PTPN1: variants seen among roughly 807,000 people sequenced by gnomAD.
PTPN1 encodes protein tyrosine phosphatase non-receptor type 1.
PTPN1 carries 12 observed loss-of-function variants against 59.9 expected under a neutral mutation model. The observed-to-expected ratio is 0.20, with a 90% CI of 0.13 to 0.32. The LOEUF is 0.32. PTPN1 is among the 10% of genes least tolerant of loss of function. PTPN1 has a pLI of 1.00. For missense variants in PTPN1, 356 were observed against 549.2 expected, an observed-to-expected ratio of 0.65 and a Z score of 3.52; for synonymous variants, 178 against 203.6, an observed-to-expected ratio of 0.87 and a Z score of 1.07.
chr20:50,552,463 C>A (rs2082706320), intron 1 of PTPN1, among the ~76,000 whole-genome samples: 1 of 152,172 alleles, frequency 6.6e-6, no homozygotes, highest in South Asian at 2.1e-4. Context: ...TGACTGTATC[C>A]TTCCTTACAC....
At chr20:50,532,157 A>G (rs1205597357) in intron 1 of PTPN1, among the ~76,000 whole-genome samples, 1 of 152,200 alleles carries the variant, frequency 6.6e-6, no homozygotes, top group Non-Finnish European at 1.5e-5. Flanking sequence ...AAAACTAACT[A>G]CAATGGCCTG....
chr20:50,565,554 G>A (rs563725747), intron 3 of PTPN1, among the ~76,000 whole-genome samples: 3 of 152,308 alleles, frequency 2.0e-5, no homozygotes, highest in African/African-American at 4.8e-5. Context: ...CATGAAAAAT[G>A]ACTTAAAATT....
chr20:50,574,861 C>T, intron 5 of PTPN1: 1 of 538,000 alleles, frequency 1.9e-6, no homozygotes, highest in Non-Finnish European at 3.2e-6. Context: ...CTCTCTCTGA[C>T]CTTTAACAAC....
chr20:50,574,996 G>A (rs2082828968), intron 5 of PTPN1: 1 of 247,984 alleles, frequency 4.0e-6, no homozygotes, highest in African/African-American at 2.3e-5. Flanking sequence ...CCTTCTTTGT[G>A]GTCCTCAGTC....
At chr20:50,566,085 G>A (rs1036061896) in intron 3 of PTPN1, among the ~76,000 whole-genome samples, 1 of 152,166 alleles carries the variant, frequency 6.6e-6, no homozygotes, top group African/African-American at 2.4e-5. Flanking sequence ...GGGCCATTGA[G>A]TAAGTTCTTG....
intron 1 of PTPN1, among the ~76,000 whole-genome samples, chr20:50,538,986 A>G (rs2082636225): frequency 7.0e-6 from 1 of 143,388 alleles, no homozygotes; most frequent in African/African-American, 2.6e-5. Context: ...TCTTAGACCT[A>G]CTAGTAAATA....
At chr20:50,524,595 G>C (rs1187621762) in intron 1 of PTPN1, among the ~76,000 whole-genome samples, 1 of 9,624 alleles carries the variant, frequency 1.0e-4, no homozygotes, top group Admixed American at 7.8e-4. Flanking sequence ...TTTTTTTTTT[G>C]AGGTGGAGTC....
At chr20:50,570,112 G>A (rs1196236617) in intron 4 of PTPN1, among the ~76,000 whole-genome samples, 1 of 152,222 alleles carries the variant, frequency 6.6e-6, no homozygotes, top group Non-Finnish European at 1.5e-5. Context: ...AAAAAGCACA[G>A]TCATGGCCCT....
intron 1 of PTPN1, among the ~76,000 whole-genome samples, chr20:50,528,512 G>A (rs2082586931): frequency 6.6e-6 from 1 of 151,880 alleles, no homozygotes; most frequent in Admixed American, 6.6e-5. Context: ...TCAGGAGTTT[G>A]AGACCAGCCT....
intron 1 of PTPN1, among the ~76,000 whole-genome samples, chr20:50,515,432 T>C (rs2082524795): frequency 6.6e-6 from 1 of 152,244 alleles, no homozygotes; most frequent in South Asian, 2.1e-4. Context: ...CCTGCTGTCA[T>C]TGTAGCTGCG....
At chr20:50,543,718 A>C (rs533970816) in intron 1 of PTPN1, among the ~76,000 whole-genome samples, 1 of 152,350 alleles carries the variant, frequency 6.6e-6, no homozygotes, top group East Asian at 1.9e-4. Context: ...TGATGGTTTA[A>C]TGTTAAATGC....
Position 50,579,334 on chromosome 20 carries a change from G to C in PTPN1, c.864+5G>C. 1 of 1,612,086 alleles carries C rather than the reference G, an allele frequency of 6.2e-7. No homozygotes were observed. Among genetic ancestry groups the C allele is most frequent in the Non-Finnish European group, 8.5e-7 (1 of 1,178,500 alleles). On this transcript the variant is annotated splice_donor_5th_base_variant and intron_variant, in intron 7 of 9. Coordinates refer to ENST00000371621, the MANE Select transcript of PTPN1 (RefSeq NM_002827.4). ...ATGGGGGACTCTTCCGTGCAGGTCA[G>C]CATTGCCTTTGTTTGAATCCAGGTG...
intron 1 of PTPN1, among the ~76,000 whole-genome samples, chr20:50,538,037 C>CT (rs2082631821): frequency 1.3e-5 from 2 of 152,106 alleles, no homozygotes; most frequent in South Asian, 4.1e-4. Flanking sequence ...ATCGAGCTTT[C>CT]TCCACTGGCT....
At chr20:50,558,042 C>G (rs1261459930) in intron 1 of PTPN1, 1 of 152,166 alleles carries the variant, frequency 6.6e-6, no homozygotes, top group Non-Finnish European at 1.5e-5. Flanking sequence ...GCCATGTTGT[C>G]CAGACTCATC....
intron 1 of PTPN1, among the ~76,000 whole-genome samples, chr20:50,535,923 T>C (rs1187273437): frequency 1.3e-5 from 2 of 152,262 alleles, no homozygotes; most frequent in Non-Finnish European, 2.9e-5. Context: ...ACATTGCCAG[T>C]ATCAAACCAC....
At chr20:50,562,222 C>T (rs978057321) in intron 2 of PTPN1, among the ~76,000 whole-genome samples, 9 of 152,188 alleles carry the variant, frequency 5.9e-5, no homozygotes, top group African/African-American at 2.2e-4. Flanking sequence ...TCCATGGTAG[C>T]GTGCTCTGCC....
intron 2 of PTPN1, 50 bp from the exon 3 acceptor site, chr20:50,564,919 C>T: frequency 6.2e-7 from 1 of 1,610,114 alleles, no homozygotes; most frequent in South Asian, 1.1e-5. Context: ...CCTGTATGTA[C>T]ACATTCAGCT....
rs1257342279 is a variant in PTPN1, at chr20:50,574,388, A to G, written c.355-129A>G. ...CATGAGGCAGGCATCTGTGCTGACC[A>G]TGGCTTCCATGTTCAGAAACCCCCA... On this transcript the variant is annotated intron_variant, in intron 4 of 9. Transcript: ENST00000371621. The G allele has an allele frequency of 1.0e-5, 10 of 972,484 alleles. No individual in the cohort carries two copies. The East Asian group carries it at 2.1e-4, about 20-fold the overall frequency. The allele number at this position is 972,484 out of a possible 1,614,324, so 60.2% of individuals were successfully genotyped here. A position where few individuals can be genotyped will look rare whatever the true frequency, so the allele number is the denominator to read the frequency against.
chr20:50,513,237 A>G (rs2082514863), intron 1 of PTPN1, among the ~76,000 whole-genome samples: 1 of 152,236 alleles, frequency 6.6e-6, no homozygotes, highest in African/African-American at 2.4e-5. Context: ...TAGGTCTATA[A>G]AAAGTCAGCT....
Sources: allele counts gnomAD v4.1 joint callset (sites outside exome capture counted in the v4.1 genomes callset), GRCh38; gene constraint gnomAD v4.1.1; transcripts MANE v1.5; gene names NCBI Gene and HGNC (gene_info 2026-07-23, HGNC 2026-07-21).